Variants in HOMER1 observed in about 807,000 individuals in gnomAD.
HOMER1 encodes the protein homer protein homolog 1.
A neutral mutation model predicts 48.9 loss-of-function variants in HOMER1; 3 were observed. The ratio of observed to expected loss-of-function variants is 0.06; its 90% CI spans 0.03 to 0.16. The LOEUF (loss-of-function observed/expected upper bound fraction) is 0.16. Ranked by LOEUF, HOMER1 falls within the 10% of genes least tolerant of loss-of-function variation. The pLI is 1.00. For missense variants in HOMER1, 247 were observed against 411.4 expected (o/e 0.60, Z 3.46); for synonymous variants, 134 against 146.4 (o/e 0.92, Z 0.61).
intron 1 of HOMER1, among the ~76,000 whole-genome samples, chr5:79,495,498 A>T (rs1333484459): frequency 6.6e-6 from 1 of 152,190 alleles, no homozygotes. Flanking sequence ...CAGCACTTAA[A>T]TCACAGTATT....
At chr5:79,387,723 A>G (rs1445704309) in intron 8 of HOMER1, among the ~76,000 whole-genome samples, 2 of 152,226 alleles carry the variant, frequency 1.3e-5, no homozygotes, top group Admixed American at 6.5e-5. Context: ...TAGAACATAC[A>G]TTCTATAAGG....
intron 1 of HOMER1, among the ~76,000 whole-genome samples, chr5:79,502,981 AG>A (rs35626980): frequency 0.2 from 30,463 of 151,284 alleles, 3,290 homozygotes; most frequent in African/African-American, 0.27. Context: ...AAGTAGAGAC[AG>A]GGTTTCACCG....
chr5:79,459,021 G>A (rs928081666), intron 1 of HOMER1, among the ~76,000 whole-genome samples: 8 of 152,252 alleles, frequency 5.3e-5, no homozygotes, highest in African/African-American at 1.9e-4. Flanking sequence ...ACAAGTCACA[G>A]GGACATCTAA....
intron 1 of HOMER1, among the ~76,000 whole-genome samples, chr5:79,509,769 A>C (rs1752884158): frequency 6.6e-6 from 1 of 152,192 alleles, no homozygotes; most frequent in Non-Finnish European, 1.5e-5. Flanking sequence ...TTTTCTGCCC[A>C]ATCACTGATT....
At chr5:79,474,235 T>TTTTTTG (rs1751697239) in intron 1 of HOMER1, among the ~76,000 whole-genome samples, 1 of 94,800 alleles carries the variant, frequency 1.1e-5, no homozygotes, top group East Asian at 3.5e-4. Flanking sequence ...TTTTTTTTTG[T>TTTTTTG]GGAGACGGGG....
chr5:79,507,655 T>C (rs1752816128), intron 1 of HOMER1, among the ~76,000 whole-genome samples: 1 of 151,514 alleles, frequency 6.6e-6, no homozygotes, highest in East Asian at 1.9e-4. Context: ...GTCATATTAA[T>C]CTGAAATAAC....
chr5:79,493,096 A>G (rs1380220543), intron 1 of HOMER1, among the ~76,000 whole-genome samples: 4 of 151,578 alleles, frequency 2.6e-5, no homozygotes, highest in Non-Finnish European at 4.4e-5. Context: ...TTTTTGTATT[A>G]TTAGTAGAGA....
At chr5:79,387,638 T>A (rs1415985442) in intron 8 of HOMER1, among the ~76,000 whole-genome samples, 3 of 152,146 alleles carry the variant, frequency 2.0e-5, no homozygotes, top group Non-Finnish European at 4.4e-5. Flanking sequence ...AAGCAGTTAT[T>A]CAACAATTAC....
chr5:79,414,737 C>T (rs572083540), intron 5 of HOMER1, among the ~76,000 whole-genome samples: 5 of 152,032 alleles, frequency 3.3e-5, no homozygotes, highest in Non-Finnish European at 7.4e-5. Flanking sequence ...TCCTCTGGTC[C>T]TTGTTTTTTT....
chr5:79,471,837 C>T (rs1225535292), intron 1 of HOMER1, among the ~76,000 whole-genome samples: 1 of 152,172 alleles, frequency 6.6e-6, no homozygotes, highest in Non-Finnish European at 1.5e-5. Flanking sequence ...CCAGGCACTG[C>T]CCCCATCAAG....
At chr5:79,414,450 G>A (rs1749890738) in intron 5 of HOMER1, among the ~76,000 whole-genome samples, 1 of 151,852 alleles carries the variant, frequency 6.6e-6, no homozygotes. Flanking sequence ...TGCAAACATA[G>A]CTCACTGCAA....
chr5:79,402,192 G>GTCTC (rs1749551567), intron 5 of HOMER1, 137 bp from the exon 6 acceptor site: 1 of 706,844 alleles, frequency 1.4e-6, no homozygotes, highest in Non-Finnish European at 2.2e-6. Context: ...TTGAGATGGA[G>GTCTC]TCTCGCTCTG....
chr5:79,455,360 T>C (rs6864220), intron 2 of HOMER1, among the ~76,000 whole-genome samples: 51,239 of 145,912 alleles, frequency 0.35, 9,240 homozygotes, highest in African/African-American at 0.48. Flanking sequence ...CCGGTGGAGG[T>C]AATTGAATCA....
intron 6 of HOMER1, among the ~76,000 whole-genome samples, chr5:79,400,833 T>C (rs1455977159): frequency 7.0e-6 from 1 of 143,608 alleles, no homozygotes; most frequent in Non-Finnish European, 1.5e-5. Context: ...CAGCCTCCAA[T>C]TCCTGGGCTC....
chr5:79,505,274 A>G (rs967789029), intron 1 of HOMER1, among the ~76,000 whole-genome samples: 1 of 152,036 alleles, frequency 6.6e-6, no homozygotes, highest in Non-Finnish European at 1.5e-5. Flanking sequence ...AGACTCCCCA[A>G]CTAGACAATG....
chr5:79,500,959 G>GACACACACACACACACACAC (rs779298030), intron 1 of HOMER1, among the ~76,000 whole-genome samples: 13 of 130,016 alleles, frequency 1.0e-4, no homozygotes, highest in African/African-American at 2.8e-4. Flanking sequence ...GTGTGAGACA[G>GACACACACACACACACACAC]ACAGACACAC....
intron 2 of HOMER1, 30 bp from the exon 3 acceptor site, chr5:79,451,151 G>A: frequency 6.2e-7 from 1 of 1,601,192 alleles, no homozygotes; most frequent in Non-Finnish European, 8.5e-7. Flanking sequence ...TGAGCAACCA[G>A]CAAAAAATCA....
Position 79,447,070 on chromosome 5 carries a change from T to C in HOMER1, c.370A>G (p.Thr124Ala). ...ATACCCACCTGTGAAGGTGTACTGGTAAGTTCCATCTTCTCTTGTGATTTT... is the reference window on the plus strand; with the variant it reads ...ATACCCACCTGTGAAGGTGTACTGGCAAGTTCCATCTTCTCTTGTGATTTT... ...KEKSQEKMEL[T>A]STPSQESAGG... The change falls in exon 4 of 9, where the codon ACC becomes GCC. Residue 124 changes from threonine (T) to alanine (A), a missense_variant. Coordinates refer to ENST00000334082, the MANE Select transcript of HOMER1 (RefSeq NM_004272.5). 6.2e-7 allele frequency: 1 copy of C among 1,604,050 alleles called. No homozygotes were observed.
chr5:79,401,587 T>G (rs1749538124), intron 6 of HOMER1, among the ~76,000 whole-genome samples: 2 of 152,196 alleles, frequency 1.3e-5, no homozygotes, highest in African/African-American at 4.8e-5. Context: ...ACACTTTAAC[T>G]ACCATGTCAG....
Sources: allele counts gnomAD v4.1 joint callset (sites outside exome capture counted in the v4.1 genomes callset), GRCh38; gene constraint gnomAD v4.1.1; transcripts MANE v1.5; gene names NCBI Gene and HGNC (gene_info 2026-07-23, HGNC 2026-07-21).